RASGRP1: variants seen among roughly 807,000 people sequenced by gnomAD.
The protein encoded by RASGRP1 is RAS guanyl-releasing protein 1.
In RASGRP1, 37 loss-of-function variants were observed where a neutral mutation model predicts 95.1. The ratio of observed to expected loss-of-function variants is 0.39; its 90% CI spans 0.30 to 0.51. RASGRP1 has a LOEUF of 0.51. Among genes scored for constraint, RASGRP1 ranks in the 20% least tolerant of loss-of-function variants. RASGRP1 has a pLI of 0.80. For missense variants in RASGRP1, 711 were observed against 965.4 expected (o/e 0.74, Z 3.49); for synonymous variants, 325 against 353.4 (o/e 0.92, Z 0.90).
At chr15:38,500,233 T>A in intron 13 of RASGRP1, 94 bp from the exon 14 acceptor site, 1 of 1,318,042 alleles carries the variant, frequency 7.6e-7, no homozygotes, top group Non-Finnish European at 1.1e-6. Flanking sequence ...CATTTTACTC[T>A]CTAGCTCAAG....
At chr15:38,526,886 G>T (rs1021535156) in intron 2 of RASGRP1, among the ~76,000 whole-genome samples, 3 of 152,180 alleles carry the variant, frequency 2.0e-5, no homozygotes, top group Non-Finnish European at 4.4e-5. Flanking sequence ...GCCTTGGAAG[G>T]GGCTCATGCA....
intron 3 of RASGRP1, among the ~76,000 whole-genome samples, chr15:38,521,649 G>A (rs1046692230): frequency 2.0e-5 from 3 of 152,124 alleles, no homozygotes; most frequent in Non-Finnish European, 4.4e-5. Flanking sequence ...TGCTGATCTT[G>A]GTAAACTTCA....
At chr15:38,535,083 G>A (rs1204295397) in intron 2 of RASGRP1, among the ~76,000 whole-genome samples, 1 of 152,150 alleles carries the variant, frequency 6.6e-6, no homozygotes, top group Admixed American at 6.5e-5. Flanking sequence ...CTTCACTTGT[G>A]TTGAACATTT....
chr15:38,498,364 A>G (rs1200667344), intron 15 of RASGRP1, among the ~76,000 whole-genome samples: 2 of 152,196 alleles, frequency 1.3e-5, no homozygotes, highest in African/African-American at 2.4e-5. Flanking sequence ...TGAATGCACT[A>G]TGCCTTTTAA....
intron 3 of RASGRP1, among the ~76,000 whole-genome samples, chr15:38,525,258 G>A (rs1892172245): frequency 1.3e-5 from 2 of 152,148 alleles, no homozygotes; most frequent in Non-Finnish European, 2.9e-5. Context: ...GTGAGCTACT[G>A]TGCCCAGACA....
chr15:38,519,621 A>T (rs1891921101), intron 3 of RASGRP1, among the ~76,000 whole-genome samples: 1 of 152,224 alleles, frequency 6.6e-6, no homozygotes, highest in South Asian at 2.1e-4. Flanking sequence ...GGAAGGAAGC[A>T]GCAGCACTGC....
chr15:38,510,731 G>A (rs1229541774), intron 8 of RASGRP1, among the ~76,000 whole-genome samples: 2 of 152,236 alleles, frequency 1.3e-5, no homozygotes, highest in Admixed American at 1.3e-4. Flanking sequence ...AGGCCGAGAT[G>A]GGAGGATCGC....
intron 2 of RASGRP1, among the ~76,000 whole-genome samples, chr15:38,542,870 T>A (rs1892944954): frequency 7.1e-6 from 1 of 140,810 alleles, no homozygotes; most frequent in South Asian, 2.2e-4. Flanking sequence ...TACACATATA[T>A]GTGTATATAT....
chr15:38,532,966 A>AGG, intron 2 of RASGRP1, among the ~76,000 whole-genome samples: 2 of 152,078 alleles, frequency 1.3e-5, no homozygotes, highest in African/African-American at 4.8e-5. Context: ...CAGCTTTCCT[A>AGG]CAGTGAAGGC....
intron 2 of RASGRP1, among the ~76,000 whole-genome samples, chr15:38,540,552 GA>G (rs1892825035): frequency 1.3e-5 from 2 of 152,144 alleles, no homozygotes; most frequent in South Asian, 4.1e-4. Context: ...AGTTTTTAAG[GA>G]AGTAAAAGGG....
At chr15:38,539,472 G>C (rs146073098) in intron 2 of RASGRP1, among the ~76,000 whole-genome samples, 1 of 151,800 alleles carries the variant, frequency 6.6e-6, no homozygotes, top group Non-Finnish European at 1.5e-5. Flanking sequence ...AGCAAGAAGG[G>C]GCTACAAATT....
rs1305040987 is a variant in RASGRP1 at position 38,507,748 on chromosome 15, T to C, written c.1220A>G (p.Lys407Arg). ...QEVAPPLEAN[K>R]DLVHLLTLSL... ...CACCGTCAGCAAGTGTACCAAGTCCTTGTTAGCCTCCAAGGGTGGGGCCAC... is the reference window on the plus strand; with the variant it reads ...CACCGTCAGCAAGTGTACCAAGTCCCTGTTAGCCTCCAAGGGTGGGGCCAC... Residue 407 changes from lysine to arginine, a missense_variant, in exon 9 of 17, where the codon AAG becomes AGG. Physicochemically the swap from Lys to Arg is conservative, Grantham distance 26. Around this residue, in one of 3 missense-constraint regions of RASGRP1, gnomAD observed 491 missense variants for 676.6 expected, o/e 0.73. Transcript: ENST00000310803. 1 of 1,576,104 alleles carries C rather than the reference T, an allele frequency of 6.3e-7. No homozygotes were observed.
intron 16 of RASGRP1, 195 bp downstream of exon 16, chr15:38,494,187 G>A (rs1288549821): frequency 9.6e-6 from 7 of 727,602 alleles, no homozygotes; most frequent in Non-Finnish European, 1.6e-5. Context: ...TGAGAAAGCT[G>A]GAATCAATCA....
At chr15:38,543,131 T>G (rs1170979232) in intron 2 of RASGRP1, among the ~76,000 whole-genome samples, 1 of 152,062 alleles carries the variant, frequency 6.6e-6, no homozygotes, top group Admixed American at 6.6e-5. Context: ...GTCCTAAATT[T>G]CCTTCTAGAA....
In RASGRP1 at chr15:38,515,637, C is replaced by T. The variant is rs115476518; in HGVS notation, c.675+560G>A. Among the ~76,000 whole-genome samples, 303 of 152,178 alleles carry T rather than the reference C, an allele frequency of 2.0e-3. 3 individuals carry two copies. Among genetic ancestry groups the T allele is most frequent in the African/African-American group, 6.7e-3 (280 of 41,512 alleles). On this transcript the variant is annotated intron_variant, in intron 6 of 16. Coordinates refer to ENST00000310803, the MANE Select transcript of RASGRP1 (RefSeq NM_005739.4). ...CTTATCTCTAGAATCACAGTGACTTCTGGGCCAGGACCACTTCAAGGATTT... is the reference window on the plus strand; with the variant it reads ...CTTATCTCTAGAATCACAGTGACTTTTGGGCCAGGACCACTTCAAGGATTT...
At position 38,526,293 on chromosome 15, in the gene RASGRP1, G is replaced by A; in HGVS notation, c.326+6C>T. 6.2e-7 allele frequency: 1 copy of A among 1,607,040 alleles called. No individual in the cohort carries two copies. The highest frequency in any genetic ancestry group is 8.5e-7 in the Non-Finnish European group (1 of 1,173,888). ...TGGGATTGCCAGTCACTATGTTAAA[G>A]GATATAGGGTGATAACTTTTTGGAG... On this transcript the variant is annotated splice_donor_region_variant and intron_variant, in intron 3 of 16. Transcript: ENST00000310803.
chr15:38,545,811 A>ATTATAAAT (rs1893083640), intron 2 of RASGRP1, among the ~76,000 whole-genome samples: 1 of 152,174 alleles, frequency 6.6e-6, no homozygotes, highest in Non-Finnish European at 1.5e-5. Context: ...TAGATATATG[A>ATTATAAAT]AATACTCCAT....
chr15:38,561,238 G>C (rs1893797474), intron 1 of RASGRP1, among the ~76,000 whole-genome samples: 3 of 152,226 alleles, frequency 2.0e-5, no homozygotes, highest in Admixed American at 2.0e-4. Context: ...TGATTGGCCA[G>C]AGAAGACCAC....
intron 10 of RASGRP1, 43 bp from the exon 11 acceptor site, chr15:38,503,419 A>T (rs554278056): frequency 1.5e-6 from 2 of 1,376,560 alleles, no homozygotes; most frequent in South Asian, 1.2e-5. Flanking sequence ...CTACAATGCA[A>T]TATTATAACC....
Sources: allele counts gnomAD v4.1 joint callset (sites outside exome capture counted in the v4.1 genomes callset), GRCh38; gene constraint gnomAD v4.1.1; regional missense constraint gnomAD v4.1.1; transcripts MANE v1.5; gene names NCBI Gene and HGNC (gene_info 2026-07-23, HGNC 2026-07-21).